SLIT2: variants seen among roughly 807,000 people sequenced by gnomAD.
SLIT2 encodes slit homolog 2 protein.
In SLIT2, 41 loss-of-function variants were observed where a neutral mutation model predicts 185.7. The observed-to-expected ratio is 0.22, with a 90% CI of 0.17 to 0.29. SLIT2 has a LOEUF of 0.29. Ranked by LOEUF, SLIT2 falls within the 10% of genes least tolerant of loss-of-function variation. SLIT2 has a pLI of 1.00. For missense variants in SLIT2, 1,571 were observed against 1,909.0 expected, an observed-to-expected ratio of 0.82 and a Z score of 3.30; for synonymous variants, 693 against 680.2, an observed-to-expected ratio of 1.02 and a Z score of -0.29.
At chr4:20,470,484 CTG>C (rs540814034) in intron 5 of SLIT2, among the ~76,000 whole-genome samples, 15,652 of 128,946 alleles carry the variant, frequency 0.12, 963 homozygotes, top group East Asian at 0.28. Context: ...GCAGTGGAGT[CTG>C]TGTGTGTGTG....
At chr4:20,431,992 TCTCA>T (rs565879241) in intron 4 of SLIT2, among the ~76,000 whole-genome samples, 169 of 145,114 alleles carry the variant, frequency 1.2e-3, no homozygotes, top group Middle Eastern at 0.011. Context: ...TGTGTAAATC[TCTCA>T]CTCTCTGTGT....
chr4:20,281,290 T>C (rs1714743530), intron 4 of SLIT2, among the ~76,000 whole-genome samples: 1 of 152,200 alleles, frequency 6.6e-6, no homozygotes, highest in Non-Finnish European at 1.5e-5. Context: ...CATGAAGAAA[T>C]AAGTTAAAAA....
chr4:20,440,299 C>T (rs569413441), intron 4 of SLIT2, among the ~76,000 whole-genome samples: 1 of 152,106 alleles, frequency 6.6e-6, no homozygotes, highest in Non-Finnish European at 1.5e-5. Flanking sequence ...GTTGCATTTC[C>T]CTGGAGTTGA....
intron 4 of SLIT2, among the ~76,000 whole-genome samples, chr4:20,326,799 A>G (rs1237585558): frequency 2.6e-5 from 3 of 115,624 alleles, no homozygotes; most frequent in African/African-American, 3.5e-5. Context: ...GGCTCCAGTT[A>G]GAAAATTTGA....
At chr4:20,403,229 G>T (rs7665829) in intron 4 of SLIT2, among the ~76,000 whole-genome samples, 32,255 of 151,782 alleles carry the variant, frequency 0.21, 3,713 homozygotes, top group Non-Finnish European at 0.27. Flanking sequence ...CATCTAGATT[G>T]TAACTATATT....
chr4:20,341,268 A>C (rs1398753497), intron 4 of SLIT2, among the ~76,000 whole-genome samples: 1 of 152,204 alleles, frequency 6.6e-6, no homozygotes, highest in African/African-American at 2.4e-5. Context: ...CCCATGGAGA[A>C]TGTGTCCTCT....
chr4:20,548,689 CA>C, intron 23 of SLIT2, 130 bp downstream of exon 23: 1 of 647,612 alleles, frequency 1.5e-6, no homozygotes, highest in Non-Finnish European at 2.8e-6. Flanking sequence ...GAGAAACAGA[CA>C]AAACCACGAT....
At chr4:20,437,634 C>T (rs570522649) in intron 4 of SLIT2, among the ~76,000 whole-genome samples, 15 of 151,076 alleles carry the variant, frequency 9.9e-5, no homozygotes, top group African/African-American at 3.4e-4. Flanking sequence ...CAAAACAGGC[C>T]GAGCGTGGTG....
chr4:20,547,356 G>A (rs1214905630), intron 22 of SLIT2, among the ~76,000 whole-genome samples: 3 of 152,134 alleles, frequency 2.0e-5, no homozygotes, highest in Admixed American at 6.6e-5. Flanking sequence ...AAGCCAGCTC[G>A]AAATGACAAA....
At chr4:20,277,644 A>C (rs1714298321) in intron 4 of SLIT2, among the ~76,000 whole-genome samples, 1 of 150,884 alleles carries the variant, frequency 6.6e-6, no homozygotes, top group Non-Finnish European at 1.5e-5. Context: ...GTAGGTATTC[A>C]TATGCAAGCA....
At chr4:20,565,301 T>A (rs1293672775) in intron 26 of SLIT2, among the ~76,000 whole-genome samples, 1 of 152,000 alleles carries the variant, frequency 6.6e-6, no homozygotes, top group Non-Finnish European at 1.5e-5. Flanking sequence ...GCTGTTTTGC[T>A]GGCATACGTT....
Position 20,619,113 on chromosome 4 carries a change from T to A in SLIT2, c.*104T>A. The A allele has an allele frequency of 8.3e-7, 1 of 1,198,738 alleles. No individual in the cohort carries two copies. The allele number at this position is 1,198,738 out of a possible 1,614,324, so 74.3% of individuals were successfully genotyped here. Reference sequence around the variant, plus strand: ...GAAATATTTGAAATATATTGTAAAATACAGAACAGACTTATTTTTATTATG... The same window carrying A: ...GAAATATTTGAAATATATTGTAAAAAACAGAACAGACTTATTTTTATTATG... On this transcript the variant is annotated 3_prime_UTR_variant, in exon 37 of 37. Transcript: ENST00000504154.
intron 26 of SLIT2, among the ~76,000 whole-genome samples, chr4:20,555,600 G>GAC (rs1429652680): frequency 1.3e-5 from 2 of 151,992 alleles, no homozygotes; most frequent in Admixed American, 6.6e-5. Context: ...GGTGATGTAG[G>GAC]ACACTTCATG....
chr4:20,501,211 C>A (rs1718700132), intron 9 of SLIT2, among the ~76,000 whole-genome samples: 1 of 152,150 alleles, frequency 6.6e-6, no homozygotes, highest in Admixed American at 6.5e-5. Context: ...TTCCTACAGA[C>A]ACAGAGCACC....
At chr4:20,606,569 A>C (rs1448629021) in intron 33 of SLIT2, among the ~76,000 whole-genome samples, 2 of 152,086 alleles carry the variant, frequency 1.3e-5, no homozygotes, top group Admixed American at 6.6e-5. Context: ...TTCCAGGGAG[A>C]TATAAATGGA....
At chr4:20,489,013 G>C (rs776723515) in intron 8 of SLIT2, 31 bp downstream of exon 8, 1 of 1,573,960 alleles carries the variant, frequency 6.4e-7, no homozygotes. Flanking sequence ...ATGTTATTGT[G>C]TTTATTGTAT....
At chr4:20,413,639 A>C (rs1727425791) in intron 4 of SLIT2, among the ~76,000 whole-genome samples, 1 of 151,996 alleles carries the variant, frequency 6.6e-6, no homozygotes, top group African/African-American at 2.4e-5. Flanking sequence ...GTGTCATGTT[A>C]ATGATTTTCA....
chr4:20,345,544 CT>C (rs796756361), intron 4 of SLIT2, among the ~76,000 whole-genome samples: 1 of 138,894 alleles, frequency 7.2e-6, no homozygotes, highest in South Asian at 2.2e-4. Context: ...TTTCTTTTTT[CT>C]TTTTTTTTGA....
chr4:20,390,678 G>T (rs1401375279), intron 4 of SLIT2, among the ~76,000 whole-genome samples: 1 of 151,640 alleles, frequency 6.6e-6, no homozygotes, highest in Non-Finnish European at 1.5e-5. Flanking sequence ...TTTATTAAAA[G>T]GAGTATGATT....
Sources: allele counts gnomAD v4.1 joint callset (sites outside exome capture counted in the v4.1 genomes callset), GRCh38; gene constraint gnomAD v4.1.1; transcripts MANE v1.5; gene names NCBI Gene and HGNC (gene_info 2026-07-23, HGNC 2026-07-21).